The following CXADR variants were observed in gnomAD, a reference collection of about 807,000 sequenced individuals.
The protein encoded by CXADR is CXADR cell adhesion molecule, also known as coxsackievirus and adenovirus receptor.
Under a neutral mutation model 40.3 loss-of-function variants are expected in CXADR, and 20 were observed. That is an observed-to-expected ratio of 0.50 (90% CI 0.35 to 0.72). The LOEUF (loss-of-function observed/expected upper bound fraction) is 0.72. Among genes scored for constraint, CXADR ranks in the 30% least tolerant of loss-of-function variants. The pLI is 0.01. For missense variants in CXADR, 332 were observed against 449.1 expected, an observed-to-expected ratio of 0.74 and a Z score of 2.36; for synonymous variants, 150 against 161.3, an observed-to-expected ratio of 0.93 and a Z score of 0.53.
At chr21:17,571,304 A>T (rs2061275611), downstream of CXADR, among the ~76,000 whole-genome samples, 1 of 152,228 alleles carries the variant, frequency 6.6e-6, no homozygotes, top group Admixed American at 6.5e-5. Flanking sequence ...AAAGAGATAG[A>T]ACTGATATAA....
At chr21:17,604,344 C>T in the CXADR span, 2 of 206,666 alleles carry the variant, frequency 9.7e-6, no homozygotes, top group South Asian at 1.4e-4. Flanking sequence ...ACTCAGGAGG[C>T]TGAGGCAGGA....
At chr21:17,580,170 C>T (rs986874207) in intron 7 of CXADR, among the ~76,000 whole-genome samples, 5 of 152,150 alleles carry the variant, frequency 3.3e-5, no homozygotes, top group African/African-American at 1.2e-4. Flanking sequence ...ATGAAAACAG[C>T]CGTTTATTAA....
chr21:17,559,669 G>GTT (rs1447996912), intron 4 of CXADR, among the ~76,000 whole-genome samples: 1 of 27,890 alleles, frequency 3.6e-5, no homozygotes, highest in African/African-American at 1.3e-4. Flanking sequence ...TTTTTTTTGG[G>GTT]TTTTTTTTTT....
intron 7 of CXADR, among the ~76,000 whole-genome samples, chr21:17,592,012 G>C (rs1444958096): frequency 2.0e-5 from 3 of 151,860 alleles, no homozygotes; most frequent in Middle Eastern, 6.3e-3. Context: ...ATGGGTAGTC[G>C]AAACACTGGC....
At chr21:17,621,357 G>A in the CXADR span, among the ~76,000 whole-genome samples, 1 of 152,128 alleles carries the variant, frequency 6.6e-6, no homozygotes, top group Non-Finnish European at 1.5e-5. Flanking sequence ...GATGGGGTGG[G>A]GACGGGGGAA....
chr21:17,575,496 T>TC (rs1280081310), intron 7 of CXADR, among the ~76,000 whole-genome samples: 4 of 147,792 alleles, frequency 2.7e-5, no homozygotes, highest in Non-Finnish European at 6.0e-5. Context: ...TGTAAAATTT[T>TC]TTTTTTTTTT....
chr21:17,547,948 A>G (rs1022758276), intron 2 of CXADR, among the ~76,000 whole-genome samples: 10 of 152,294 alleles, frequency 6.6e-5, no homozygotes, highest in African/African-American at 2.4e-4. Context: ...ACAGAGGAGG[A>G]AACATGCCTA....
the CXADR span, among the ~76,000 whole-genome samples, chr21:17,620,079 C>G: frequency 6.6e-6 from 1 of 152,200 alleles, no homozygotes; most frequent in African/African-American, 2.4e-5. Flanking sequence ...TGGAGCAGCA[C>G]TTTTAATTTC....
chr21:17,531,184 A>G (rs939088686), intron 1 of CXADR, among the ~76,000 whole-genome samples: 79 of 152,038 alleles, frequency 5.2e-4, no homozygotes, highest in African/African-American at 1.8e-3. Flanking sequence ...CTATAATCCC[A>G]GCTATTCAGG....
the CXADR span, among the ~76,000 whole-genome samples, chr21:17,615,437 G>A: frequency 3.3e-5 from 5 of 152,092 alleles, no homozygotes; most frequent in Non-Finnish European, 5.9e-5. Context: ...GATCCCCAGT[G>A]GATGTCTGAA....
rs2061192474 is a variant in CXADR at position 17,565,426 on chromosome 21, A to G, written c.834-2A>G. On this transcript the variant is annotated splice_acceptor_variant, in intron 6 of 6. Coordinates refer to ENST00000284878, the MANE Select transcript of CXADR (RefSeq NM_001338.5). LOFTEE classifies it high-confidence loss of function. ...ACATGTATTGGGGATTTTGCTTTGC[A>G]GGGAAGATGTGCCACCTCCAAAGAG... 1 of 1,613,214 alleles carries G rather than the reference A, an allele frequency of 6.2e-7. No individual in the cohort carries two copies. The highest frequency in any genetic ancestry group is 1.3e-5 in the African/African-American group (1 of 74,876).
At position 17,524,728 on chromosome 21, in the gene CXADR, AATACAAAAATTAGCCACGTGTG is replaced by A. The variant is rs1441328013; in HGVS notation, c.43+11572_43+11593del. On this transcript the variant is annotated intron_variant, in intron 1 of 6. Transcript: ENST00000284878. ...ATAACAAGACCTCATCTCTACAAAA[AATACAAAAATTAGCCACGTGTG>A]ATACAAAAATTAGCCGGGTGTGGTG... 2.6e-5 allele frequency among the ~76,000 whole-genome samples: 4 copies of A among 152,136 alleles called. No individual in the cohort carries two copies. The South Asian group carries it at 6.2e-4, about 24-fold the overall frequency.
At chr21:17,554,315 A>G (rs2123280605) in intron 3 of CXADR, among the ~76,000 whole-genome samples, 1 of 152,316 alleles carries the variant, frequency 6.6e-6, no homozygotes, top group East Asian at 1.9e-4. Flanking sequence ...GATGTGGCTC[A>G]GTTCACTCAT....
At chr21:17,555,025 T>A (rs1300500097) in intron 3 of CXADR, among the ~76,000 whole-genome samples, 1 of 152,180 alleles carries the variant, frequency 6.6e-6, no homozygotes. Context: ...CCTGCCTTGC[T>A]CTTTCAGACA....
chr21:17,545,381 G>A (rs571908944), intron 1 of CXADR, among the ~76,000 whole-genome samples: 1 of 151,990 alleles, frequency 6.6e-6, no homozygotes, highest in South Asian at 2.1e-4. Flanking sequence ...GTATGAATAG[G>A]AAAAAAAGTT....
rs13052678 is a variant in CXADR, at chr21:17,568,797, C to G, written c.*3105C>G. 192,826 of 984,918 alleles carry G rather than the reference C, an allele frequency of 0.2. 19,303 individuals carry two copies. Among genetic ancestry groups the G allele is most frequent in the East Asian group, 0.24 (2,111 of 8,786 alleles). 61.0% of individuals were successfully genotyped at this position (984,918 alleles called of 1,614,324 possible). On this transcript the variant is annotated 3_prime_UTR_variant, in exon 7 of 7. Coordinates refer to ENST00000284878, the MANE Select transcript of CXADR (RefSeq NM_001338.5). The stretch of plus-strand genomic sequence containing the variant: ...AGAGAGCCTCTCACTCCCCCACCCC[C>G]AAAAATGTCTACTATTCATGACAGT...
At chr21:17,516,382 T>C (rs2060462331) in intron 1 of CXADR, among the ~76,000 whole-genome samples, 1 of 152,256 alleles carries the variant, frequency 6.6e-6, no homozygotes, top group African/African-American at 2.4e-5. Context: ...TGTCAAATAC[T>C]GAAGGCTTTT....
At chr21:17,607,406 TAATC>T in the CXADR span, among the ~76,000 whole-genome samples, 1 of 152,284 alleles carries the variant, frequency 6.6e-6, no homozygotes, top group East Asian at 1.9e-4. Flanking sequence ...AAAATTAAGA[TAATC>T]AAGAGATAAG....
In CXADR at chr21:17,567,779, C is replaced by G. The variant is rs1440457495; in HGVS notation, c.*2087C>G. 3.3e-6 allele frequency: 3 copies of G among 911,994 alleles called. No individual in the cohort carries two copies. Among genetic ancestry groups the G allele is most frequent in the Non-Finnish European group, 3.9e-6 (3 of 763,348 alleles). 56.5% of individuals were successfully genotyped at this position (911,994 alleles called of 1,614,324 possible). On this transcript the variant is annotated 3_prime_UTR_variant, in exon 7 of 7. Transcript: ENST00000284878. Reference sequence around the variant, plus strand: ...TAATAAAGTTTTGGTTCTTCCTATTCCTGACTTTCATATAATGAAAATTAT... The same window carrying G: ...TAATAAAGTTTTGGTTCTTCCTATTGCTGACTTTCATATAATGAAAATTAT...
Sources: allele counts gnomAD v4.1 joint callset (sites outside exome capture counted in the v4.1 genomes callset), GRCh38; gene constraint gnomAD v4.1.1; transcripts MANE v1.5; gene names NCBI Gene and HGNC (gene_info 2026-07-23, HGNC 2026-07-21).